Variants in AP3D1 observed in about 807,000 individuals in gnomAD.
AP3D1 encodes the protein adaptor related protein complex 3 subunit delta 1.
A neutral mutation model predicts 147.6 loss-of-function variants in AP3D1; 51 were observed. The ratio of observed to expected loss-of-function variants is 0.35; its 90% CI spans 0.28 to 0.44. The LOEUF is 0.44. Among genes scored for constraint, AP3D1 ranks in the 20% least tolerant of loss-of-function variants. The pLI is 1.00. For synonymous variants in AP3D1, 760 were observed against 663.0 expected, an observed-to-expected ratio of 1.15 and a Z score of -2.25; for missense variants, 1,421 against 1,624.2, an observed-to-expected ratio of 0.87 and a Z score of 2.15.
rs1217004608 is a variant in AP3D1, at chr19:2,151,430, G to A, written c.-96C>T. 33 of 765,280 alleles carry A rather than the reference G, an allele frequency of 4.3e-5. No individual in the cohort carries two copies. Among genetic ancestry groups the A allele is most frequent in the Non-Finnish European group, 5.4e-5 (33 of 610,166 alleles). 47.4% of individuals were successfully genotyped at this position (765,280 alleles called of 1,614,324 possible). ...CCTGCCGCCCGCGGAGCGCCGCGCT[G>A]CCGGCCGCTGCGGCGGGGCAAGCTC... On this transcript the variant is annotated 5_prime_UTR_variant, in exon 1 of 32. Transcript: ENST00000643116.
At chr19:2,106,977 T>C (rs1420677097) in intron 31 of AP3D1, among the ~76,000 whole-genome samples, 2 of 151,856 alleles carry the variant, frequency 1.3e-5, no homozygotes, top group African/African-American at 4.8e-5. Flanking sequence ...AGAACAGCAA[T>C]GACAGGCCGG....
intron 10 of AP3D1, among the ~76,000 whole-genome samples, 176 bp from the exon 11 acceptor site, chr19:2,123,582 G>A (rs2018668577): frequency 6.6e-6 from 1 of 152,150 alleles, no homozygotes; most frequent in Non-Finnish European, 1.5e-5. Context: ...GACAAGGGAG[G>A]CCCTGCTTCC....
intron 1 of AP3D1, among the ~76,000 whole-genome samples, chr19:2,150,977 T>C (rs1909515244): frequency 6.6e-6 from 1 of 151,982 alleles, no homozygotes; most frequent in African/African-American, 2.4e-5. Context: ...TGAACAGCGC[T>C]TCCCCCAGGT....
chr19:2,117,016 G>T, intron 16 of AP3D1: 1 of 816,280 alleles, frequency 1.2e-6, no homozygotes, highest in Non-Finnish European at 1.8e-6. Context: ...GGCCCACTTC[G>T]CAGGGAGCAT....
chr19:2,109,661 T>C, intron 29 of AP3D1: 2 of 582,320 alleles, frequency 3.4e-6, no homozygotes, highest in South Asian at 2.0e-5. Context: ...TGGACCTCTA[T>C]GGGTGACGCT....
intron 9 of AP3D1, among the ~76,000 whole-genome samples, chr19:2,125,725 G>A (rs534311326): frequency 5.3e-5 from 8 of 152,122 alleles, no homozygotes; most frequent in African/African-American, 1.2e-4. Context: ...AATGTAGGCC[G>A]GGCGCGGTGT....
At chr19:2,102,667 G>C (rs1039179691) in intron 31 of AP3D1, among the ~76,000 whole-genome samples, 1 of 151,770 alleles carries the variant, frequency 6.6e-6, no homozygotes, top group African/African-American at 2.4e-5. Flanking sequence ...GGTGGACCTT[G>C]CAGTGAGCCG....
chr19:2,116,343 C>A, intron 17 of AP3D1, 65 bp from the exon 18 acceptor site: 1 of 1,510,838 alleles, frequency 6.6e-7, no homozygotes, highest in Non-Finnish European at 9.0e-7. Context: ...TGGACGTCCA[C>A]CACCAGCCAC....
intron 4 of AP3D1, among the ~76,000 whole-genome samples, chr19:2,135,075 C>G (rs535494587): frequency 6.6e-6 from 1 of 151,466 alleles, no homozygotes. Flanking sequence ...GTGGCACATG[C>G]GTGTACTCCC....
intron 1 of AP3D1, among the ~76,000 whole-genome samples, chr19:2,158,693 TC>T (rs1181912908): frequency 6.6e-6 from 1 of 151,260 alleles, no homozygotes; most frequent in Non-Finnish European, 1.5e-5. Flanking sequence ...AACCTCCGCC[TC>T]CCAGGTTCAA....
chr19:2,115,073 G>A (rs2018402662), intron 20 of AP3D1, 146 bp downstream of exon 20: 2 of 900,388 alleles, frequency 2.2e-6, no homozygotes, highest in South Asian at 3.3e-5. Flanking sequence ...CGAGGACAGA[G>A]AGGCCTCTCC....
Position 2,109,881 on chromosome 19 carries a change from G to A in AP3D1, c.3342C>T (p.Pro1114=). 1 of 1,613,814 alleles carries A rather than the reference G, an allele frequency of 6.2e-7. No individual in the cohort carries two copies. Among genetic ancestry groups the A allele is most frequent in the Non-Finnish European group, 8.5e-7 (1 of 1,179,984 alleles). The change falls in exon 29 of 32, where the codon CCC becomes CCT. Residue 1114 remains proline (P), a synonymous_variant. Transcript: ENST00000643116. ...GTGGGCCTGGGCCCCACCTGTAGCA[G>A]GGAGTGGTGATCAAGTAGGAGCTGC... The part of the protein sequence containing the change: ...FSCSSYLITT[P]CYSDAFAKLL...
intron 16 of AP3D1, 98 bp from the exon 17 acceptor site, chr19:2,116,844 A>G: frequency 7.0e-7 from 1 of 1,428,344 alleles, no homozygotes; most frequent in Non-Finnish European, 9.3e-7. Context: ...TGGCCATGTG[A>G]TATCCCAAAC....
At chr19:2,160,339 G>C (rs2019686115) in intron 1 of AP3D1, among the ~76,000 whole-genome samples, 1 of 151,760 alleles carries the variant, frequency 6.6e-6, no homozygotes, top group African/African-American at 2.4e-5. Flanking sequence ...GACCAGCCTA[G>C]CCAACATGGT....
intron 1 of AP3D1, among the ~76,000 whole-genome samples, chr19:2,148,710 T>C (rs1279775515): frequency 2.0e-5 from 3 of 152,234 alleles, no homozygotes; most frequent in African/African-American, 7.2e-5. Flanking sequence ...AGTCAGCCAG[T>C]CAGCCCAAGC....
chr19:2,157,524 CCCAT>C lies in AP3D1; in HGVS notation c.-103+6828_-103+6831del, dbSNP rs142566326. ...ATCCACCTATCCACCCATACAGTAA[CCCAT>C]CCATCCATCCATCCATCCATCCATC... is the stretch of plus-strand genomic sequence containing the variant. On this transcript the variant is annotated intron_variant, in intron 1 of 14. Transcript: ENST00000643010. Among the ~76,000 whole-genome samples the C allele has an allele frequency of 5.3e-3, 792 of 148,612 alleles. 6 individuals are homozygous for C. The highest frequency in any genetic ancestry group is 0.018 in the African/African-American group (706 of 40,032).
chr19:2,153,600 A>G (rs2019620956), upstream of AP3D1, among the ~76,000 whole-genome samples: 1 of 150,438 alleles, frequency 6.6e-6, no homozygotes. Context: ...GGCTCCGCCC[A>G]GGGGGCGGAG....
chr19:2,126,740 G>C (rs2018768948), intron 9 of AP3D1, among the ~76,000 whole-genome samples: 1 of 151,888 alleles, frequency 6.6e-6, no homozygotes, highest in African/African-American at 2.4e-5. Context: ...ACGATATGCT[G>C]TCTCAGGAGT....
At chr19:2,123,427 ATGC>A in intron 10 of AP3D1, 21 bp from the exon 11 acceptor site, 2 of 1,613,556 alleles carry the variant, frequency 1.2e-6, no homozygotes, top group Non-Finnish European at 1.7e-6. Context: ...GAAAAAAACG[ATGC>A]TGGTTACATC....
Sources: gnomAD v4.1 joint callset for allele counts (sites outside exome capture counted in the v4.1 genomes callset) on GRCh38, gnomAD v4.1.1 for gene constraint, MANE v1.5 for transcripts, NCBI Gene and HGNC (gene_info 2026-07-23, HGNC 2026-07-21) for gene names.